PTPN2: variants seen among roughly 807,000 people sequenced by gnomAD.
PTPN2 encodes protein tyrosine phosphatase non-receptor type 2, also known as tyrosine-protein phosphatase non-receptor type 2.
Under a neutral mutation model 57.3 loss-of-function variants are expected in PTPN2, and 19 were observed. That is an observed-to-expected ratio of 0.33 (90% CI 0.23 to 0.49). The LOEUF is 0.49. Among genes scored for constraint, PTPN2 ranks in the 20% least tolerant of loss-of-function variants. The pLI is 0.99. For missense variants in PTPN2, 358 were observed against 501.1 expected (o/e 0.71, Z 2.73); for synonymous variants, 153 against 164.9 (o/e 0.93, Z 0.55).
chr18:12,814,479 A>C (rs1598769244), intron 6 of PTPN2, 124 bp from the exon 7 acceptor site: 1 of 779,948 alleles, frequency 1.3e-6, no homozygotes, highest in South Asian at 1.9e-5. Flanking sequence ...CGATAATTTA[A>C]CCCTCCAGCT....
chr18:12,835,006 CAA>C (rs578119114), intron 3 of PTPN2, among the ~76,000 whole-genome samples: 182 of 152,182 alleles, frequency 1.2e-3, no homozygotes, highest in Non-Finnish European at 1.6e-3. Context: ...CCTGCAGATA[CAA>C]AGAGTCAGCC....
chr18:12,793,159 A>G lies in PTPN2; in HGVS notation c.*1119T>C, dbSNP rs550002368. On this transcript the variant is annotated 3_prime_UTR_variant, in exon 9 of 9. Coordinates refer to ENST00000309660, the MANE Select transcript of PTPN2 (RefSeq NM_002828.4). The stretch of plus-strand genomic sequence containing the variant: ...AAATTAAACACTGAATGGAATGTTG[A>G]AATCTGAGGAAAGCTAGCATTCAAA... 9.1e-6 allele frequency: 9 copies of G among 985,358 alleles called. No homozygotes were observed. The East Asian group carries it at 9.0e-4, about 98-fold the overall frequency. The allele number at this position is 985,358 out of a possible 1,614,324, so 61.0% of individuals were successfully genotyped here.
intron 1 of PTPN2, among the ~76,000 whole-genome samples, chr18:12,883,431 G>A (rs1246278290): frequency 6.6e-6 from 1 of 152,174 alleles, no homozygotes; most frequent in Non-Finnish European, 1.5e-5. Context: ...GAGGCCACGA[G>A]CCACCCCCAA....
At chr18:12,819,199 C>T (rs2145326418) in intron 5 of PTPN2, 1 of 1,264,766 alleles carries the variant, frequency 7.9e-7, no homozygotes, top group Non-Finnish European at 1.1e-6. Context: ...AATAAATTTT[C>T]TAAAAAGTAC....
chr18:12,788,793 AG>A (rs2145200651), downstream of PTPN2, among the ~76,000 whole-genome samples: 1 of 152,246 alleles, frequency 6.6e-6, no homozygotes, highest in African/African-American at 2.4e-5. Flanking sequence ...CCCAGTAGAC[AG>A]GGGAGACAGC....
intron 2 of PTPN2, chr18:12,840,996 A>C (rs2043025963): frequency 3.5e-6 from 5 of 1,424,256 alleles, no homozygotes; most frequent in Non-Finnish European, 2.8e-6. Flanking sequence ...TTAGTCAACA[A>C]ACATATTTTA....
chr18:12,850,160 A>C lies in PTPN2; in HGVS notation c.160+9004T>G, dbSNP rs2043346180. On this transcript the variant is annotated intron_variant, in intron 2 of 8. Transcript: ENST00000309660. The stretch of plus-strand genomic sequence containing the variant: ...TTTCTCATTCTCTTATTTTTACTCT[A>C]AATTAGGTTAGACAGCACATTAATT... Among the ~76,000 whole-genome samples, 3 of 151,796 alleles carry C rather than the reference A, an allele frequency of 2.0e-5. No individual in the cohort carries two copies. In the South Asian group the frequency reaches 6.2e-4, roughly 31 times the overall value.
chr18:12,824,649 A>G lies in PTPN2; in HGVS notation c.495+1161T>C, dbSNP rs74862515. Among the ~76,000 whole-genome samples the G allele has an allele frequency of 1.9e-4, 29 of 152,304 alleles. No homozygotes were observed. The East Asian group carries it at 3.9e-3, about 20-fold the overall frequency. On this transcript the variant is annotated intron_variant, in intron 5 of 8. Coordinates refer to ENST00000309660, the MANE Select transcript of PTPN2 (RefSeq NM_002828.4). ...TTATTTTCTAGTTTATTCTATTACA[A>G]CACAAAGAGGGCAAAAGAGGTAAAT... is the stretch of plus-strand genomic sequence containing the variant.
chr18:12,834,058 G>A (rs1426281288), intron 3 of PTPN2, among the ~76,000 whole-genome samples: 2 of 152,136 alleles, frequency 1.3e-5, no homozygotes, highest in Non-Finnish European at 2.9e-5. Context: ...TGGGCACGGT[G>A]GCTCACCCCT....
intron 2 of PTPN2, among the ~76,000 whole-genome samples, chr18:12,853,205 A>G (rs2043455747): frequency 6.6e-6 from 1 of 152,196 alleles, no homozygotes; most frequent in Admixed American, 6.5e-5. Context: ...GCTGGAGTGC[A>G]CTGGTGCCAT....
intron 7 of PTPN2, among the ~76,000 whole-genome samples, chr18:12,812,147 G>A (rs1268062720): frequency 2.6e-5 from 4 of 152,154 alleles, no homozygotes; most frequent in African/African-American, 9.7e-5. Context: ...TAAATATGTG[G>A]TAATACCAGC....
downstream of PTPN2, chr18:12,787,854 ACAC>A (rs2040880177): frequency 6.5e-6 from 1 of 153,962 alleles, no homozygotes; most frequent in Non-Finnish European, 1.5e-5. Context: ...TGGCTCTGAC[ACAC>A]CACTTTATGC....
chr18:12,796,013 T>C (rs1375703706), intron 8 of PTPN2, among the ~76,000 whole-genome samples: 1 of 151,752 alleles, frequency 6.6e-6, no homozygotes, highest in Non-Finnish European at 1.5e-5. Flanking sequence ...CAATGTCTCC[T>C]ACATTGAGAC....
intron 1 of PTPN2, among the ~76,000 whole-genome samples, chr18:12,879,467 G>A (rs12968719): frequency 0.086 from 13,102 of 152,138 alleles, 746 homozygotes; most frequent in East Asian, 0.16. Flanking sequence ...CCCTTTCCTC[G>A]TAAAAAGTCA....
At chr18:12,858,779 GA>G (rs1372494248) in intron 2 of PTPN2, among the ~76,000 whole-genome samples, 2 of 151,840 alleles carry the variant, frequency 1.3e-5, no homozygotes, top group Admixed American at 6.6e-5. Context: ...CTTGGGGAAG[GA>G]AAAAAACCAA....
At chr18:12,856,373 CAGG>C (rs1006716206) in intron 2 of PTPN2, among the ~76,000 whole-genome samples, 2 of 152,034 alleles carry the variant, frequency 1.3e-5, no homozygotes, top group African/African-American at 4.8e-5. Context: ...TCTGAGAGAT[CAGG>C]AGAACATGGC....
chr18:12,805,227 T>G (rs59698881), intron 7 of PTPN2, among the ~76,000 whole-genome samples: 1 of 151,596 alleles, frequency 6.6e-6, no homozygotes, highest in East Asian at 1.9e-4. Context: ...GAGGCTGAGG[T>G]GGGTGAATCA....
At chr18:12,830,908 A>C in intron 4 of PTPN2, 35 bp downstream of exon 4, 1 of 1,433,702 alleles carries the variant, frequency 7.0e-7, no homozygotes, top group South Asian at 1.2e-5. Flanking sequence ...GATCACATAC[A>C]GTATACTAAG....
At chr18:12,866,149 A>C (rs1202226777) in intron 1 of PTPN2, among the ~76,000 whole-genome samples, 1 of 152,212 alleles carries the variant, frequency 6.6e-6, no homozygotes, top group Non-Finnish European at 1.5e-5. Context: ...TGCTAAGTTA[A>C]AGAAACCAGC....
Sources: allele counts gnomAD v4.1 joint callset (sites outside exome capture counted in the v4.1 genomes callset), GRCh38; gene constraint gnomAD v4.1.1; transcripts MANE v1.5; gene names NCBI Gene and HGNC (gene_info 2026-07-23, HGNC 2026-07-21).